The following ERBB4 variants were observed in gnomAD, a reference collection of about 807,000 sequenced individuals.
The protein encoded by ERBB4 is erb-b2 receptor tyrosine kinase 4, also known as receptor tyrosine-protein kinase erbB-4.
In ERBB4, 42 loss-of-function variants were observed where a neutral mutation model predicts 158.0. The ratio of observed to expected loss-of-function variants is 0.27; its 90% CI spans 0.21 to 0.34. The LOEUF is 0.34. Among genes scored for constraint, ERBB4 ranks in the 10% least tolerant of loss-of-function variants. ERBB4 has a pLI of 1.00. For synonymous variants in ERBB4, 583 were observed against 558.7 expected (o/e 1.04, Z -0.61); for missense variants, 1,333 against 1,624.1 (o/e 0.82, Z 3.08).
chr2:211,430,136 G>A (rs2063718375), intron 21 of ERBB4, among the ~76,000 whole-genome samples: 1 of 151,960 alleles, frequency 6.6e-6, no homozygotes. Context: ...TGGCCCATAT[G>A]ATAAATAAGG....
intron 1 of ERBB4, among the ~76,000 whole-genome samples, chr2:212,370,108 G>T (rs2106381433): frequency 6.6e-6 from 1 of 152,020 alleles, no homozygotes. Flanking sequence ...ACCTGTCAAG[G>T]GCAGGTCCAG....
chr2:211,587,603 G>A (rs2068325352), intron 19 of ERBB4, among the ~76,000 whole-genome samples: 1 of 151,834 alleles, frequency 6.6e-6, no homozygotes, highest in Non-Finnish European at 1.5e-5. Context: ...TGGAATTCTG[G>A]TTTCCAGAAC....
intron 2 of ERBB4, among the ~76,000 whole-genome samples, chr2:211,953,465 C>CAAAAAAAAAAAAAAA (rs36024345): frequency 1.2e-4 from 10 of 85,562 alleles, no homozygotes; most frequent in African/African-American, 2.0e-4. Flanking sequence ...GGTTTTTCTC[C>CAAAAAAAAAAAAAAA]AAAAAAAAAA....
At chr2:211,811,626 T>C (rs905951044) in intron 3 of ERBB4, among the ~76,000 whole-genome samples, 2 of 152,220 alleles carry the variant, frequency 1.3e-5, no homozygotes, top group Non-Finnish European at 2.9e-5. Flanking sequence ...CTTGGTTCCA[T>C]TCTCCCCATC....
chr2:211,615,676 A>C (rs558638018), intron 19 of ERBB4, among the ~76,000 whole-genome samples: 2 of 152,216 alleles, frequency 1.3e-5, no homozygotes, highest in African/African-American at 4.8e-5. Context: ...CCTATGGTAA[A>C]AATTCTAAGA....
intron 16 of ERBB4, among the ~76,000 whole-genome samples, chr2:211,635,209 A>T (rs2125883382): frequency 6.6e-6 from 1 of 152,306 alleles, no homozygotes; most frequent in Admixed American, 6.5e-5. Context: ...CGATCAATTG[A>T]TAGTTTACCT....
chr2:211,941,211 T>G (rs2080484919), intron 3 of ERBB4, among the ~76,000 whole-genome samples: 1 of 151,958 alleles, frequency 6.6e-6, no homozygotes, highest in African/African-American at 2.4e-5. Context: ...AGTTTTGATC[T>G]AATCATTTTC....
At chr2:211,607,278 T>C (rs1184367508) in intron 19 of ERBB4, among the ~76,000 whole-genome samples, 1 of 152,204 alleles carries the variant, frequency 6.6e-6, no homozygotes, top group African/African-American at 2.4e-5. Context: ...CTTTCTCACC[T>C]AGCTAAGCAG....
At chr2:212,367,709 A>G (rs930807842) in intron 1 of ERBB4, among the ~76,000 whole-genome samples, 1 of 152,132 alleles carries the variant, frequency 6.6e-6, no homozygotes, top group Admixed American at 6.6e-5. Context: ...ACTAATACCC[A>G]GAATCTACAA....
At chr2:211,708,473 C>A (rs1316514482) in intron 9 of ERBB4, among the ~76,000 whole-genome samples, 2 of 152,200 alleles carry the variant, frequency 1.3e-5, no homozygotes, top group Non-Finnish European at 2.9e-5. Context: ...AGACTATAAT[C>A]AAGTCTATAA....
chr2:211,750,567 G>A (rs1308475756), intron 5 of ERBB4, 72 bp downstream of exon 5: 2 of 1,258,470 alleles, frequency 1.6e-6, no homozygotes, highest in Non-Finnish European at 2.3e-6. Context: ...ATGACCAGAG[G>A]CATGAAATGG....
chr2:212,526,909 G>A (rs1692478701), intron 1 of ERBB4, among the ~76,000 whole-genome samples: 1 of 151,928 alleles, frequency 6.6e-6, no homozygotes, highest in Non-Finnish European at 1.5e-5. Flanking sequence ...AACTGTATGG[G>A]AACTAAAAAT....
chr2:212,210,824 T>C (rs1231502256), intron 1 of ERBB4, among the ~76,000 whole-genome samples: 3 of 152,156 alleles, frequency 2.0e-5, no homozygotes, highest in African/African-American at 7.2e-5. Flanking sequence ...ATTTTTAATG[T>C]ATTGAAGGCT....
chr2:211,769,350 C>T (rs527344110), intron 4 of ERBB4, among the ~76,000 whole-genome samples: 2 of 152,290 alleles, frequency 1.3e-5, no homozygotes, highest in South Asian at 4.2e-4. Context: ...TCTGAGCTCT[C>T]CATATTCAAA....
rs148190678 is a variant in ERBB4, at chr2:211,684,173, C to T, written c.1490-4989G>A. 4.5e-4 allele frequency among the ~76,000 whole-genome samples: 68 copies of T among 152,078 alleles called. 1 individual carries two copies. The South Asian group carries it at 6.0e-3, about 13-fold the overall frequency. On this transcript the variant is annotated intron_variant, in intron 12 of 27. Transcript: ENST00000342788. ...GAGAAATGAAAATAAACCAAGTGGC[C>T]GGACACGGTGGCTCATGCCTATAAT...
chr2:211,783,010 G>A (rs934608806), intron 4 of ERBB4, among the ~76,000 whole-genome samples: 2 of 81,308 alleles, frequency 2.5e-5, no homozygotes, highest in African/African-American at 1.1e-4. Flanking sequence ...CATGAGCGTG[G>A]AATGTTCTTC....
chr2:212,202,940 A>G (rs2082630235), intron 1 of ERBB4, among the ~76,000 whole-genome samples: 1 of 151,722 alleles, frequency 6.6e-6, no homozygotes, highest in Non-Finnish European at 1.5e-5. Context: ...TACATTAATA[A>G]CAAAACCATA....
intron 19 of ERBB4, among the ~76,000 whole-genome samples, chr2:211,566,267 A>G (rs1044491525): frequency 6.6e-6 from 1 of 152,170 alleles, no homozygotes; most frequent in South Asian, 2.1e-4. Context: ...GACCTCTCCA[A>G]TGGCTCAGAG....
chr2:211,860,999 ATT>A (rs2078001524), intron 3 of ERBB4, among the ~76,000 whole-genome samples: 1 of 46,092 alleles, frequency 2.2e-5, no homozygotes, highest in African/African-American at 1.1e-4. Flanking sequence ...AATATAATAT[ATT>A]ATATATTTAT....
Sources: allele counts gnomAD v4.1 joint callset (sites outside exome capture counted in the v4.1 genomes callset), GRCh38; gene constraint gnomAD v4.1.1; transcripts MANE v1.5; gene names NCBI Gene and HGNC (gene_info 2026-07-23, HGNC 2026-07-21).